The following SMARCAD1 variants were observed in gnomAD, a reference collection of about 807,000 sequenced individuals.
SMARCAD1 encodes SNF2 related chromatin remodeling ATPase with DExD box 1.
In SMARCAD1, 25 loss-of-function variants were observed where a neutral mutation model predicts 127.1. The observed-to-expected ratio is 0.20, with a 90% CI of 0.14 to 0.27. The LOEUF (loss-of-function observed/expected upper bound fraction) is 0.27. Among genes scored for constraint, SMARCAD1 ranks in the 10% least tolerant of loss-of-function variants. The pLI is 1.00. For missense variants in SMARCAD1, 807 were observed against 1,206.0 expected, an observed-to-expected ratio of 0.67 and a Z score of 4.90; for synonymous variants, 400 against 396.9, an observed-to-expected ratio of 1.01 and a Z score of -0.09.
At chr4:94,222,682 G>A (rs549687404) in intron 2 of SMARCAD1, among the ~76,000 whole-genome samples, 21 of 152,226 alleles carry the variant, frequency 1.4e-4, no homozygotes, top group South Asian at 6.2e-4. Flanking sequence ...AAAAATTGAG[G>A]CTGGGCTTGG....
At chr4:94,218,834 CAG>C (rs1264215610) in intron 2 of SMARCAD1, among the ~76,000 whole-genome samples, 1 of 152,008 alleles carries the variant, frequency 6.6e-6, no homozygotes, top group Non-Finnish European at 1.5e-5. Context: ...TCTTTTGAGA[CAG>C]AGTCTCACTC....
chr4:94,230,542 C>A (rs966385903), intron 3 of SMARCAD1, among the ~76,000 whole-genome samples: 5 of 152,238 alleles, frequency 3.3e-5, no homozygotes, highest in Middle Eastern at 3.4e-3. Context: ...CCAGATAATT[C>A]TTTGTTGTGA....
intron 9 of SMARCAD1, 134 bp from the exon 10 acceptor site, chr4:94,264,573 C>T (rs1022223853): frequency 1.5e-6 from 1 of 651,848 alleles, no homozygotes; most frequent in Admixed American, 3.2e-5. Context: ...GAATCAGGTT[C>T]TCTTAGTAGT....
At chr4:94,210,992 G>C (rs1742154360) in intron 2 of SMARCAD1, among the ~76,000 whole-genome samples, 1 of 149,658 alleles carries the variant, frequency 6.7e-6, no homozygotes, top group South Asian at 2.1e-4. Context: ...CGAAGGTCTG[G>C]CTGGGCACAG....
Position 94,252,696 on chromosome 4 carries a change from A to C in SMARCAD1, c.970A>C (p.Thr324Pro). 6.3e-7 allele frequency: 1 copy of C among 1,589,778 alleles called. No individual in the cohort carries two copies. Among genetic ancestry groups the C allele is most frequent in the Non-Finnish European group, 8.5e-7 (1 of 1,170,560 alleles). Residue 324 changes from threonine to proline, a missense_variant, in exon 9 of 24, where the codon ACT becomes CCT. Physicochemically the swap from Thr to Pro is conservative, Grantham distance 38. Around this residue, in one of 8 missense-constraint regions of SMARCAD1, gnomAD observed 257 missense variants for 303.4 expected, o/e 0.85. Coordinates refer to ENST00000354268, the MANE Select transcript of SMARCAD1 (RefSeq NM_020159.5). ...AAGTCAAAATTACCCTAAAAATGCAACTAAAACAAAACTAAAACAGAAATT... is the reference window on the plus strand; with the variant it reads ...AAGTCAAAATTACCCTAAAAATGCACCTAAAACAAAACTAAAACAGAAATT... ...SRSQNYPKNA[T>P]KTKLKQKFSM...
chr4:94,234,140 T>C lies in SMARCAD1; in HGVS notation c.537+18T>C. ...TACTTAAGGTTATATTCATTGGTTA[T>C]TGTAGCTGTAATGATGATAAAATCT... On this transcript the variant is annotated intron_variant, in intron 4 of 23. Transcript: ENST00000354268. 1 of 1,570,598 alleles carries C rather than the reference T, an allele frequency of 6.4e-7. No homozygotes were observed. The highest frequency in any genetic ancestry group is 8.7e-7 in the Non-Finnish European group (1 of 1,154,950).
At chr4:94,242,882 C>G (rs998927721) in intron 6 of SMARCAD1, among the ~76,000 whole-genome samples, 5 of 152,182 alleles carry the variant, frequency 3.3e-5, no homozygotes, top group Non-Finnish European at 7.3e-5. Context: ...TGCCACTGCA[C>G]TCCAGCCTGG....
intron 21 of SMARCAD1, 137 bp downstream of exon 21, chr4:94,281,727 A>T: frequency 1.5e-6 from 1 of 682,624 alleles, no homozygotes; most frequent in Non-Finnish European, 2.6e-6. Context: ...TTAAAATAAG[A>T]GTAATTTCAA....
rs768942719 is a variant in SMARCAD1, at chr4:94,285,006, T to A, written c.2956T>A (p.Ser986Thr). ...KLISQGTIEE[S>T]MLKINQQKLK... is the part of the protein sequence containing the mutation. ...AATAAGCCAAGGGACGATTGAAGAA[T>A]CCATGCTAAAAATTAACCAACAGAA... Residue 986 changes from serine to threonine, a missense_variant, in exon 23 of 24, where the codon TCC (serine) becomes ACC (threonine). This residue lies in a region of SMARCAD1 where 36 missense variants were observed against 67.4 expected (regional missense o/e 0.53). Coordinates refer to ENST00000354268, the MANE Select transcript of SMARCAD1 (RefSeq NM_020159.5). 6.2e-7 allele frequency: 1 copy of A among 1,613,432 alleles called. No individual in the cohort carries two copies. Among genetic ancestry groups the A allele is most frequent in the Non-Finnish European group, 8.5e-7 (1 of 1,179,510 alleles).
upstream of SMARCAD1, chr4:94,207,815 T>G (rs963454554): frequency 3.3e-6 from 1 of 302,060 alleles, no homozygotes; most frequent in Non-Finnish European, 6.5e-6. Flanking sequence ...CCTCTGAACC[T>G]TCCTGTGTGT....
intron 6 of SMARCAD1, among the ~76,000 whole-genome samples, chr4:94,241,671 A>C (rs533402167): frequency 3.9e-4 from 60 of 152,334 alleles, no homozygotes; most frequent in African/African-American, 1.4e-3. Flanking sequence ...GTGAAGGTGT[A>C]ATCATCCTGC....
chr4:94,220,079 C>T (rs1350453060), intron 2 of SMARCAD1, among the ~76,000 whole-genome samples: 1 of 152,168 alleles, frequency 6.6e-6, no homozygotes, highest in Non-Finnish European at 1.5e-5. Flanking sequence ...TAAAAAGCGT[C>T]ATTGCAGCAG....
At position 94,229,799 on chromosome 4, in the gene SMARCAD1, G is replaced by A. The variant is rs1342653981; in HGVS notation, c.368+3503G>A. 8.5e-5 allele frequency among the ~76,000 whole-genome samples: 9 copies of A among 105,480 alleles called. No homozygotes were observed. In the Admixed American group the frequency reaches 1.0e-3, roughly 12 times the overall value. 69.2% of individuals were successfully genotyped at this position (105,480 alleles called of 152,430 possible). A position where few individuals can be genotyped will look rare whatever the true frequency, so the allele number is the denominator to read the frequency against. On this transcript the variant is annotated intron_variant, in intron 3 of 23. Transcript: ENST00000354268. ...AGAAGGAAAAATGTGAAAATGTGTG[G>A]TGTTTTTTTTTTTTTAATCATTTGT... is the stretch of plus-strand genomic sequence containing the variant.
intron 15 of SMARCAD1, 133 bp from the exon 16 acceptor site, chr4:94,276,885 CATTT>C: frequency 1.1e-6 from 1 of 900,318 alleles, no homozygotes; most frequent in Non-Finnish European, 1.7e-6. Context: ...ATTACTATAT[CATTT>C]ATCACAGAAT....
At chr4:94,239,222 T>A (rs1018726880) in intron 5 of SMARCAD1, among the ~76,000 whole-genome samples, 24 of 152,196 alleles carry the variant, frequency 1.6e-4, no homozygotes, top group African/African-American at 5.5e-4. Flanking sequence ...AAGGTTAATC[T>A]TCAGTATACT....
chr4:94,291,224 A>G lies in SMARCAD1; in HGVS notation c.*1690A>G, dbSNP rs967604294. 81 of 453,722 alleles carry G rather than the reference A, an allele frequency of 1.8e-4. No homozygotes were observed. Among genetic ancestry groups the G allele is most frequent in the Middle Eastern group, 1.4e-3 (2 of 1,464 alleles). 28.1% of individuals were successfully genotyped at this position (453,722 alleles called of 1,614,324 possible). On this transcript the variant is annotated 3_prime_UTR_variant, in exon 24 of 24. Transcript: ENST00000354268. ...ATATCCATACTTTTATCTCTAATGAAATGTAGTTGGGTTCTTCCTGTAATG... is the reference window on the plus strand; with the variant it reads ...ATATCCATACTTTTATCTCTAATGAGATGTAGTTGGGTTCTTCCTGTAATG...
At chr4:94,261,184 GT>G (rs1436987804) in intron 9 of SMARCAD1, among the ~76,000 whole-genome samples, 1 of 150,898 alleles carries the variant, frequency 6.6e-6, no homozygotes, top group Non-Finnish European at 1.5e-5. Context: ...AAGATTCAGT[GT>G]GCTTCAGCTT....
At chr4:94,277,567 AT>A (rs1181001182) in intron 16 of SMARCAD1, among the ~76,000 whole-genome samples, 7 of 152,230 alleles carry the variant, frequency 4.6e-5, no homozygotes, top group Admixed American at 4.6e-4. Context: ...GCTGAGAAAT[AT>A]ATTCTGAAAT....
rs977706934 is a variant in SMARCAD1 at position 94,291,250 on chromosome 4, C to T, written c.*1716C>T. On this transcript the variant is annotated 3_prime_UTR_variant, in exon 24 of 24. Transcript: ENST00000354268. ...ATGTAGTTGGGTTCTTCCTGTAATG[C>T]GCTATTATGTCTTGGGCTTAATAAA... 24 of 453,516 alleles carry T rather than the reference C, an allele frequency of 5.3e-5. No homozygotes were observed. Among genetic ancestry groups the T allele is most frequent in the Middle Eastern group, 6.8e-4 (1 of 1,462 alleles). 28.1% of individuals were successfully genotyped at this position (453,516 alleles called of 1,614,324 possible).
Sources: gnomAD v4.1 joint callset for allele counts (sites outside exome capture counted in the v4.1 genomes callset) on GRCh38, gnomAD v4.1.1 for gene constraint, gnomAD v4.1.1 regional missense constraint, MANE v1.5 for transcripts, NCBI Gene and HGNC (gene_info 2026-07-23, HGNC 2026-07-21) for gene names.